The following EYS variants were observed in gnomAD, a reference collection of about 807,000 sequenced individuals.
The protein encoded by EYS is EGF-like photoreceptor maintenance factor, also known as protein eyes shut homolog.
A neutral mutation model predicts 282.1 loss-of-function variants in EYS; 250 were observed. That is an observed-to-expected ratio of 0.89 (90% CI 0.80 to 0.98). The LOEUF (loss-of-function observed/expected upper bound fraction) is 0.98, where lower values mean the gene tolerates loss of function less well. EYS is among the 50% of genes least tolerant of loss of function. The probability of loss-of-function intolerance (pLI) is 0.00; values close to 1 mark genes in which losing one functional copy is unlikely to be tolerated. For synonymous variants in EYS, 1,355 were observed against 1,282.9 expected (o/e 1.06, Z -1.20); for missense variants, 4,016 against 3,709.0 (o/e 1.08, Z -2.15).
chr6:65,441,086 G>A (rs1562183662), intron 5 of EYS, among the ~76,000 whole-genome samples: 1 of 150,570 alleles, frequency 6.6e-6, no homozygotes, highest in East Asian at 1.9e-4. Flanking sequence ...TTAATGACTT[G>A]ATTTGTCATG....
At chr6:65,639,179 T>C (rs1302575429) in intron 2 of EYS, among the ~76,000 whole-genome samples, 2 of 152,010 alleles carry the variant, frequency 1.3e-5, no homozygotes, top group Non-Finnish European at 2.9e-5. Context: ...ACAAAAAACC[T>C]GAGAATGTAT....
chr6:65,620,875 C>G (rs2149801817), intron 2 of EYS, among the ~76,000 whole-genome samples: 1 of 152,282 alleles, frequency 6.6e-6, no homozygotes, highest in African/African-American at 2.4e-5. Flanking sequence ...GAGTGAGTTT[C>G]TTAATCCGGA....
At chr6:65,610,949 C>A (rs1765977272) in intron 2 of EYS, among the ~76,000 whole-genome samples, 1 of 152,046 alleles carries the variant, frequency 6.6e-6, no homozygotes, top group South Asian at 2.1e-4. Flanking sequence ...TTATGCCACA[C>A]TGGAATCATT....
intron 32 of EYS, among the ~76,000 whole-genome samples, chr6:64,081,485 C>T (rs1380429670): frequency 6.6e-6 from 1 of 152,136 alleles, no homozygotes; most frequent in Non-Finnish European, 1.5e-5. Flanking sequence ...TGAACCCCAG[C>T]TTTGGAATGC....
chr6:64,588,919 A>C (rs1423319146), intron 26 of EYS, among the ~76,000 whole-genome samples: 1 of 152,040 alleles, frequency 6.6e-6, no homozygotes, highest in East Asian at 1.9e-4. Flanking sequence ...GGAATGAAGA[A>C]TGGGAAAAGT....
intron 31 of EYS, among the ~76,000 whole-genome samples, chr6:64,202,218 C>T (rs921691123): frequency 6.6e-6 from 1 of 152,148 alleles, no homozygotes; most frequent in African/African-American, 2.4e-5. Flanking sequence ...TTCTTTCATA[C>T]CATGAACTGC....
chr6:64,010,374 G>A (rs76317240), intron 33 of EYS, among the ~76,000 whole-genome samples: 3,499 of 110,556 alleles, frequency 0.032, 151 homozygotes, highest in African/African-American at 0.12. Context: ...TGGTGGCATT[G>A]GCTGTGTGTG....
At chr6:64,700,855 C>A (rs1423876836) in intron 22 of EYS, among the ~76,000 whole-genome samples, 1 of 151,862 alleles carries the variant, frequency 6.6e-6, no homozygotes, top group Non-Finnish European at 1.5e-5. Context: ...TCACGTTTTA[C>A]AGAATAAAAA....
chr6:65,383,128 T>C (rs984824241), intron 8 of EYS, among the ~76,000 whole-genome samples: 2 of 152,034 alleles, frequency 1.3e-5, no homozygotes, highest in African/African-American at 4.8e-5. Context: ...TACCCATTTC[T>C]ACAAAACATT....
chr6:65,522,949 G>A (rs541946836), intron 2 of EYS, among the ~76,000 whole-genome samples: 29 of 152,210 alleles, frequency 1.9e-4, no homozygotes, highest in African/African-American at 6.7e-4. Flanking sequence ...GAAGTTAAAT[G>A]TAGGATATTA....
intron 2 of EYS, among the ~76,000 whole-genome samples, chr6:65,549,945 C>G (rs569589898): frequency 1.3e-5 from 2 of 152,206 alleles, no homozygotes; most frequent in Admixed American, 1.3e-4. Flanking sequence ...GCATTGGGCT[C>G]TGGAGTTGGC....
chr6:63,924,828 G>A (rs1157397455), intron 35 of EYS, among the ~76,000 whole-genome samples: 1 of 151,962 alleles, frequency 6.6e-6, no homozygotes, highest in Non-Finnish European at 1.5e-5. Flanking sequence ...TTCCTCTTTG[G>A]TGCATAACAG....
At chr6:63,844,008 C>G (rs936663044) in intron 36 of EYS, among the ~76,000 whole-genome samples, 9 of 152,146 alleles carry the variant, frequency 5.9e-5, no homozygotes, top group African/African-American at 2.2e-4. Context: ...TTTCCCTCAG[C>G]CCACACACCC....
At chr6:64,886,390 G>A (rs1767087659) in intron 19 of EYS, among the ~76,000 whole-genome samples, 2 of 151,762 alleles carry the variant, frequency 1.3e-5, no homozygotes, top group Non-Finnish European at 1.5e-5. Context: ...TGTTATTTCT[G>A]TTAGATTACC....
At chr6:65,514,122 T>G (rs991560388) in intron 2 of EYS, among the ~76,000 whole-genome samples, 19 of 151,782 alleles carry the variant, frequency 1.3e-4, no homozygotes, top group African/African-American at 4.4e-4. Context: ...TGTACAAAAA[T>G]CACAAGCATT....
intron 8 of EYS, among the ~76,000 whole-genome samples, chr6:65,379,203 C>T (rs1030561271): frequency 2.8e-4 from 42 of 151,876 alleles, no homozygotes; most frequent in African/African-American, 9.4e-4. Flanking sequence ...TGAACTTCGA[C>T]GTGAAAATCC....
At chr6:64,780,608 C>T (rs1473127745) in intron 22 of EYS, among the ~76,000 whole-genome samples, 1 of 152,062 alleles carries the variant, frequency 6.6e-6, no homozygotes, top group African/African-American at 2.4e-5. Context: ...GAAGCCAAAC[C>T]TCACCATTAT....
At chr6:64,437,805 T>C (rs1033604120) in intron 27 of EYS, among the ~76,000 whole-genome samples, 2 of 151,210 alleles carry the variant, frequency 1.3e-5, no homozygotes, top group East Asian at 3.9e-4. Flanking sequence ...TATATATACA[T>C]ATTATATTAC....
chr6:64,544,472 T>G (rs1001573283), intron 26 of EYS, among the ~76,000 whole-genome samples: 2 of 152,092 alleles, frequency 1.3e-5, no homozygotes, highest in Admixed American at 6.6e-5. Flanking sequence ...AAAGGAAAAT[T>G]GTGGTGTCAC....
Sources: allele counts gnomAD v4.1 joint callset (sites outside exome capture counted in the v4.1 genomes callset), GRCh38; gene constraint gnomAD v4.1.1; transcripts MANE v1.5; gene names NCBI Gene and HGNC (gene_info 2026-07-23, HGNC 2026-07-21).